CEP131: variants seen among roughly 807,000 people sequenced by gnomAD.
The protein encoded by CEP131 is centrosomal protein of 131 kDa.
Under a neutral mutation model 136.8 loss-of-function variants are expected in CEP131, and 99 were observed. The observed-to-expected ratio is 0.72, with a 90% confidence interval of 0.62 to 0.86. CEP131 has a LOEUF of 0.86. Among genes scored for constraint, CEP131 ranks in the 40% least tolerant of loss-of-function variants. The pLI is 0.00. For synonymous variants in CEP131, 646 were observed against 612.7 expected (o/e 1.05, Z -0.80); for missense variants, 1,459 against 1,463.0 (o/e 1.00, Z 0.04).
intron 5 of CEP131, among the ~76,000 whole-genome samples, chr17:81,204,500 C>T (rs1238322747): frequency 3.3e-5 from 5 of 152,172 alleles, no homozygotes; most frequent in African/African-American, 9.7e-5. Flanking sequence ...CTCTCTGCAC[C>T]AGTGCCCCGA....
chr17:81,198,114 C>A lies in CEP131; in HGVS notation c.1470+1G>T. The A allele has an allele frequency of 5.8e-6, 9 of 1,558,772 alleles. No individual in the cohort carries two copies. The highest frequency in any genetic ancestry group is 2.3e-5 in the South Asian group (2 of 85,480). ...GCAGGGCGGGCGCACACCGTGGTCA[C>A]CTCGCTGGCCCAGGCGTATCTGCCC... is the stretch of plus-strand genomic sequence containing the variant. On this transcript the variant is annotated splice_donor_variant, in intron 12 of 25. Transcript: ENST00000450824. LOFTEE classifies it high-confidence loss of function.
chr17:81,192,685 G>GGGGGGGGGGGGGGCCGCCC, intron 19 of CEP131, 51 bp downstream of exon 19: 1 of 478,436 alleles, frequency 2.1e-6, no homozygotes, highest in Non-Finnish European at 4.1e-6. Flanking sequence ...GGGGGGAGGG[G>GGGGGGGGGGGGGGCCGCCC]TCAGCCAGCG....
At chr17:81,220,402 G>C (rs2146767372) in intron 1 of CEP131, among the ~76,000 whole-genome samples, 1 of 152,328 alleles carries the variant, frequency 6.6e-6, no homozygotes, top group Non-Finnish European at 1.5e-5. Context: ...TGTGAGCCAG[G>C]TTCTGCCATC....
rs1352691788 is a variant in CEP131, at chr17:81,190,991, G to A, written c.2859C>T (p.Gly953=). The change falls in exon 23 of 26, where the codon GGC becomes GGT. Residue 953 remains glycine, a synonymous_variant. Coordinates refer to ENST00000450824, the MANE Select transcript of CEP131 (RefSeq NM_014984.4). The stretch of plus-strand genomic sequence containing the variant: ...TCTCGCCCTCGGCCTCCCCAAGCTG[G>A]CCCTTCAGCTCCGAGCACCGCTCCT... ...KLQERCSELK[G]QLGEAEGENL... is the part of the protein sequence containing the mutation. The A allele has an allele frequency of 4.4e-6, 7 of 1,608,290 alleles. No homozygotes were observed. The highest frequency in any genetic ancestry group is 2.2e-5 in the East Asian group (1 of 44,892).
rs769897028 is a variant in CEP131 at position 81,193,990 on chromosome 17, G to T, written c.2257C>A (p.Arg753=). ...QRCLRQAEEL[R]EQLEREKEAL... The stretch of plus-strand genomic sequence containing the variant: ...TCCTTCTCCCGCTCCAGCTGCTCCC[G>T]CAGCTCCTCGGCCTGGCGCAGGCAG... The change falls in exon 18 of 26, where the codon CGG becomes AGG. Residue 753 remains arginine (R), a synonymous_variant. Transcript: ENST00000450824. The T allele has an allele frequency of 2.6e-6, 4 of 1,551,282 alleles. No individual in the cohort carries two copies. The highest frequency in any genetic ancestry group is 3.5e-6 in the Non-Finnish European group (4 of 1,148,934).
At chr17:81,190,829 C>T (rs747767072) in intron 23 of CEP131, 27 bp from the exon 24 acceptor site, 101 of 1,590,686 alleles carry the variant, frequency 6.3e-5, no homozygotes, top group African/African-American at 2.0e-4. Context: ...GGCAGTGAGC[C>T]GGCTGCCAGC....
intron 5 of CEP131, among the ~76,000 whole-genome samples, chr17:81,204,853 G>A (rs1031806976): frequency 1.3e-5 from 2 of 152,170 alleles, no homozygotes; most frequent in Admixed American, 6.5e-5. Context: ...TTCAACAGCT[G>A]GTTCTTGGAG....
chr17:81,201,441 AG>A (rs1000809006), intron 7 of CEP131, among the ~76,000 whole-genome samples: 6 of 151,662 alleles, frequency 4.0e-5, no homozygotes, highest in Non-Finnish European at 1.5e-5. Flanking sequence ...GGCAAGCGGC[AG>A]GGGCACAGCC....
At chr17:81,205,500 A>G in intron 5 of CEP131, among the ~76,000 whole-genome samples, 1 of 3,284 alleles carries the variant, frequency 3.0e-4, no homozygotes, top group Non-Finnish European at 6.5e-4. Flanking sequence ...GAGGGGAGGT[A>G]GGAGGGGCAG....
At position 81,189,943 on chromosome 17, in the gene CEP131, GCCT is replaced by G. The variant is rs1328069695; in HGVS notation, c.3137_3139del (p.Glu1046del). 3.2e-5 allele frequency: 52 copies of G among 1,611,430 alleles called. No homozygotes were observed. In the East Asian group the frequency reaches 1.2e-3, roughly 36 times the overall value. Reference sequence around the variant, plus strand: ...ATGTTGTGTCCGGAGGCTGCTCACGGCCTCCTCCTTCCTCGCGAGGGCTGTCTT... The same window carrying G: ...ATGTTGTGTCCGGAGGCTGCTCACGGCCTCCTTCCTCGCGAGGGCTGTCTT... On this transcript the variant is annotated inframe_deletion, in exon 25 of 26. Transcript: ENST00000450824.
chr17:81,219,299 T>TC lies in CEP131; in HGVS notation c.177+580_177+581insG, dbSNP rs1479240993. 3.6e-4 allele frequency among the ~76,000 whole-genome samples: 53 copies of TC among 148,518 alleles called. No homozygotes were observed. The highest frequency in any genetic ancestry group is 2.5e-3 in the Admixed American group (38 of 15,012). ...CACAGGTCAACCCCATTTCTTTCTT[T>TC]TTTTTTTTTTTTTGAGATGGCATCT... On this transcript the variant is annotated intron_variant, in intron 2 of 25. Coordinates refer to ENST00000450824, the MANE Select transcript of CEP131 (RefSeq NM_014984.4). The surrounding 1 kb of genome is among the most constrained non-coding windows in gnomAD (Gnocchi z 4.0).
In CEP131 at chr17:81,193,906, G is replaced by A. The variant is rs147258197; in HGVS notation, c.2321+20C>T. On this transcript the variant is annotated intron_variant, in intron 18 of 25. Coordinates refer to ENST00000450824, the MANE Select transcript of CEP131 (RefSeq NM_014984.4). ...CCGCCCTGAGGGTCCTGGCCCCACC[G>A]GCCTGGGGCCACCACCCACCGCTGC... The A allele has an allele frequency of 3.0e-5, 46 of 1,531,388 alleles. No individual in the cohort carries two copies. Among genetic ancestry groups the A allele is most frequent in the South Asian group, 1.7e-4 (14 of 83,578 alleles). 94.9% of individuals were successfully genotyped at this position (1,531,388 alleles called of 1,614,324 possible).
intron 1 of CEP131, among the ~76,000 whole-genome samples, chr17:81,220,382 C>CCATT (rs1313329181): frequency 2.0e-5 from 3 of 152,228 alleles, no homozygotes; most frequent in African/African-American, 7.2e-5. Flanking sequence ...GGGCCACAGG[C>CCATT]CATTGTCGAT....
In CEP131 at chr17:81,195,877, T is replaced by C. The variant is rs775298514; in HGVS notation, c.1974A>G (p.Arg658=). ...GTGCCTGGGCCACACGCTCGGTGCATCTCTGGTCCTCCTGCTTCAGCTCGG... is the reference window on the plus strand; with the variant it reads ...GTGCCTGGGCCACACGCTCGGTGCACCTCTGGTCCTCCTGCTTCAGCTCGG... ...VVAELKQEDQ[R]CTERVAQAQA... Residue 658 remains arginine (R), a synonymous_variant, in exon 16 of 26, where the codon AGA becomes AGG. Coordinates refer to ENST00000450824, the MANE Select transcript of CEP131 (RefSeq NM_014984.4). 25 of 1,608,758 alleles carry C rather than the reference T, an allele frequency of 1.6e-5. No individual in the cohort carries two copies. Among genetic ancestry groups the C allele is most frequent in the Middle Eastern group, 1.7e-4 (1 of 6,032 alleles).
chr17:81,192,938 A>G, intron 18 of CEP131, 95 bp from the exon 19 acceptor site: 1 of 1,497,672 alleles, frequency 6.7e-7, no homozygotes, highest in Non-Finnish European at 8.9e-7. Flanking sequence ...GGCCTGACTC[A>G]CAGCTGGAGA....
At chr17:81,212,813 G>C (rs894010095) in intron 2 of CEP131, among the ~76,000 whole-genome samples, 1 of 152,170 alleles carries the variant, frequency 6.6e-6, no homozygotes, top group African/African-American at 2.4e-5. Flanking sequence ...ACATCAGTAG[G>C]ACGCACAACA....
chr17:81,217,582 C>T (rs979486418), intron 2 of CEP131, among the ~76,000 whole-genome samples: 5 of 152,102 alleles, frequency 3.3e-5, no homozygotes, highest in African/African-American at 9.7e-5. Flanking sequence ...CACACACTGG[C>T]GGGGGTTCCT....
chr17:81,198,098 G>A lies in CEP131; in HGVS notation c.1470+17C>T. The A allele has an allele frequency of 6.5e-7, 1 of 1,546,424 alleles. No individual in the cohort carries two copies. The highest frequency in any genetic ancestry group is 1.2e-5 in the South Asian group (1 of 84,554). On this transcript the variant is annotated intron_variant, in intron 12 of 25. Transcript: ENST00000450824. ...TGGGTGGACAGACTGTGCAGGGCGG[G>A]CGCACACCGTGGTCACCTCGCTGGC...
At chr17:81,199,606 C>T in intron 9 of CEP131, 57 bp from the exon 10 acceptor site, 2 of 1,589,582 alleles carry the variant, frequency 1.3e-6, no homozygotes, top group South Asian at 1.1e-5. Context: ...CCAGGCTCCA[C>T]AGCCAAGCTG....
Sources: allele counts gnomAD v4.1 joint callset (sites outside exome capture counted in the v4.1 genomes callset), GRCh38; gene constraint gnomAD v4.1.1; non-coding constraint Gnocchi (gnomAD v3.1); transcripts MANE v1.5; gene names NCBI Gene and HGNC (gene_info 2026-07-23, HGNC 2026-07-21).